DDAH1: variants seen among roughly 807,000 people sequenced by gnomAD.
The protein encoded by DDAH1 is N(G),N(G)-dimethylarginine dimethylaminohydrolase 1.
In DDAH1, 19 loss-of-function variants were observed where a neutral mutation model predicts 28.8. The ratio of observed to expected loss-of-function variants is 0.66; its 90% CI spans 0.46 to 0.97. The LOEUF (loss-of-function observed/expected upper bound fraction) is 0.97, where lower values mean the gene tolerates loss of function less well. Ranked by LOEUF, DDAH1 falls within the 50% of genes least tolerant of loss-of-function variation. The pLI, the probability that DDAH1 is intolerant of heterozygous loss-of-function variation, is 0.00. For synonymous variants in DDAH1, 153 were observed against 154.4 expected (o/e 0.99, Z 0.07); for missense variants, 326 against 375.9 (o/e 0.87, Z 1.10).
intron 1 of DDAH1, among the ~76,000 whole-genome samples, chr1:85,404,980 A>G (rs1217139683): frequency 6.6e-6 from 1 of 152,176 alleles, no homozygotes; most frequent in East Asian, 1.9e-4. Context: ...CGCCCTAGAA[A>G]GCCTGAGTAT....
chr1:85,342,745 G>A (rs1024662988), intron 4 of DDAH1, among the ~76,000 whole-genome samples: 16 of 152,064 alleles, frequency 1.1e-4, no homozygotes, highest in South Asian at 6.2e-4. Flanking sequence ...CACATTATTC[G>A]GGATTGTAAG....
At chr1:85,416,825 A>C (rs1175672353) in intron 1 of DDAH1, among the ~76,000 whole-genome samples, 1 of 151,750 alleles carries the variant, frequency 6.6e-6, no homozygotes, top group Non-Finnish European at 1.5e-5. Context: ...ACATCACTAC[A>C]TCCAGCTAAT....
chr1:85,508,946 G>A (rs982687299), intron 1 of DDAH1, among the ~76,000 whole-genome samples: 1 of 152,244 alleles, frequency 6.6e-6, no homozygotes, highest in African/African-American at 2.4e-5. Context: ...ATCCCTGTCT[G>A]ACAGCTCTGA....
intron 2 of DDAH1, among the ~76,000 whole-genome samples, chr1:85,471,825 C>T (rs1342400294): frequency 6.6e-6 from 1 of 152,226 alleles, no homozygotes; most frequent in Non-Finnish European, 1.5e-5. Flanking sequence ...CTCTGGTCCC[C>T]ACCTCCTCCT....
At chr1:85,425,063 A>G (rs1282996320) in intron 1 of DDAH1, among the ~76,000 whole-genome samples, 5 of 152,070 alleles carry the variant, frequency 3.3e-5, no homozygotes, top group Non-Finnish European at 7.4e-5. Flanking sequence ...TTGAGATCAT[A>G]CAGTATCTTT....
Position 85,505,002 on chromosome 1 carries a change from T to C in DDAH1, c.-122-8721A>G, listed in dbSNP as rs1317522358. 5.2e-5 allele frequency among the ~76,000 whole-genome samples: 4 copies of C among 77,648 alleles called. 1 individual carries two copies. The highest frequency in any genetic ancestry group is 2.2e-4 in the African/African-American group (4 of 17,934). The allele number at this position is 77,648 out of a possible 152,430, so 50.9% of individuals were successfully genotyped here. A position where few individuals can be genotyped will look rare whatever the true frequency, so the allele number is the denominator to read the frequency against. ...TTTTTTTTTTTTTTTTTTTTTTTTT[T>C]GAGACGGAGTTTCACTCTTGTTGCC... On this transcript the variant is annotated intron_variant, in intron 1 of 6. Coordinates refer to the DDAH1 transcript ENST00000426972.
Position 85,351,196 on chromosome 1 carries a change from T to G in DDAH1, c.477+310A>C, listed in dbSNP as rs567402673. Among the ~76,000 whole-genome samples, 4 of 152,082 alleles carry G rather than the reference T, an allele frequency of 2.6e-5. No individual in the cohort carries two copies. In the East Asian group the frequency reaches 7.7e-4, roughly 29 times the overall value. On this transcript the variant is annotated intron_variant, in intron 3 of 5. Coordinates refer to ENST00000284031, the MANE Select transcript of DDAH1 (RefSeq NM_012137.4). ...TAGGTGTGAGCCATCACGCCCGGCC[T>G]TCCAGATTTTTTTTTAAGTTGTTGA... is the stretch of plus-strand genomic sequence containing the variant.
intron 1 of DDAH1, among the ~76,000 whole-genome samples, chr1:85,519,869 AG>A (rs1468312255): frequency 6.6e-6 from 1 of 152,332 alleles, no homozygotes; most frequent in East Asian, 1.9e-4. Flanking sequence ...CATCAATTTC[AG>A]GCTTGTGGTT....
chr1:85,424,467 G>A (rs752592503), intron 1 of DDAH1, among the ~76,000 whole-genome samples: 68 of 152,070 alleles, frequency 4.5e-4, no homozygotes, highest in Non-Finnish European at 7.9e-4. Context: ...GCACAAATAT[G>A]AACTAAGGTG....
At chr1:85,529,546 C>T (rs1658008005) in intron 1 of DDAH1, among the ~76,000 whole-genome samples, 1 of 145,264 alleles carries the variant, frequency 6.9e-6, no homozygotes. Flanking sequence ...GCACAAACTT[C>T]TCCCCAACCA....
intron 4 of DDAH1, among the ~76,000 whole-genome samples, chr1:85,342,988 C>G (rs1454845676): frequency 6.6e-6 from 1 of 152,182 alleles, no homozygotes; most frequent in Non-Finnish European, 1.5e-5. Flanking sequence ...CACTTATAGA[C>G]TTTTTCTTTC....
chr1:85,341,769 C>T (rs778430053), intron 4 of DDAH1, among the ~76,000 whole-genome samples: 6 of 152,108 alleles, frequency 3.9e-5, no homozygotes, highest in Admixed American at 2.0e-4. Context: ...GCCGAGATCA[C>T]GCCACTGCAC....
At chr1:85,340,087 T>G (rs562850500) in intron 4 of DDAH1, among the ~76,000 whole-genome samples, 3 of 151,472 alleles carry the variant, frequency 2.0e-5, no homozygotes, top group African/African-American at 7.3e-5. Context: ...TGAGAGAGAG[T>G]AACAGATGAA....
chr1:85,358,909 C>A, intron 1 of DDAH1, 62 bp from the exon 2 acceptor site: 1 of 1,245,662 alleles, frequency 8.0e-7, no homozygotes, highest in South Asian at 1.3e-5. Flanking sequence ...AAAAAACATC[C>A]AAAACATCTA....
At chr1:85,501,568 A>G (rs190565795) in intron 1 of DDAH1, among the ~76,000 whole-genome samples, 134 of 152,204 alleles carry the variant, frequency 8.8e-4, no homozygotes, top group Middle Eastern at 3.4e-3. Flanking sequence ...CTGACCTACA[A>G]ATTCCAACCA....
chr1:85,411,210 T>G (rs1249922222), intron 1 of DDAH1, among the ~76,000 whole-genome samples: 1 of 152,164 alleles, frequency 6.6e-6, no homozygotes, highest in South Asian at 2.1e-4. Flanking sequence ...CCAATAACAG[T>G]TGACAGTGAG....
chr1:85,358,015 C>T (rs1283275686), intron 2 of DDAH1, among the ~76,000 whole-genome samples: 1 of 152,142 alleles, frequency 6.6e-6, no homozygotes, highest in Non-Finnish European at 1.5e-5. Context: ...TATTTAAATC[C>T]ACCTTGCCAT....
At chr1:85,535,259 T>C (rs1217351527) in intron 1 of DDAH1, among the ~76,000 whole-genome samples, 2 of 151,576 alleles carry the variant, frequency 1.3e-5, no homozygotes, top group Non-Finnish European at 2.9e-5. Context: ...GCACCAGATT[T>C]AAACCAGACA....
At chr1:85,559,754 G>C (rs1189135492) in intron 1 of DDAH1, among the ~76,000 whole-genome samples, 2 of 151,596 alleles carry the variant, frequency 1.3e-5, no homozygotes, top group Non-Finnish European at 2.9e-5. Context: ...CAGTGAACAT[G>C]AGGGCATAGC....
Sources: allele counts gnomAD v4.1 joint callset (sites outside exome capture counted in the v4.1 genomes callset), GRCh38; gene constraint gnomAD v4.1.1; transcripts MANE v1.5; gene names NCBI Gene and HGNC (gene_info 2026-07-23, HGNC 2026-07-21).